The following PARVA variants were observed in gnomAD, a reference collection of about 807,000 sequenced individuals.
PARVA encodes the protein parvin alpha, also known as alpha-parvin.
A neutral mutation model predicts 52.6 loss-of-function variants in PARVA; 25 were observed. That is an observed-to-expected ratio of 0.48 (90% confidence interval 0.35 to 0.66). PARVA has a LOEUF of 0.66. Among genes scored for constraint, PARVA ranks in the 30% least tolerant of loss-of-function variants. The pLI is 0.01. For synonymous variants in PARVA, 185 were observed against 179.1 expected, an observed-to-expected ratio of 1.03 and a Z score of -0.26; for missense variants, 373 against 450.9, an observed-to-expected ratio of 0.83 and a Z score of 1.56.
intron 4 of PARVA, among the ~76,000 whole-genome samples, chr11:12,482,658 C>T (rs954156351): frequency 1.1e-4 from 17 of 151,378 alleles, no homozygotes; most frequent in Non-Finnish European, 1.0e-4. Flanking sequence ...GTTTAATTGA[C>T]TCACGGTTCC....
At chr11:12,378,645 G>C (rs1405712308) in intron 1 of PARVA, among the ~76,000 whole-genome samples, 6 of 141,330 alleles carry the variant, frequency 4.2e-5, no homozygotes, top group African/African-American at 1.4e-4. Context: ...CAGATTTTGC[G>C]TCCTGGTTTT....
chr11:12,523,224 G>A lies in PARVA; in HGVS notation c.1043-4625G>A, dbSNP rs188447413. ...ATCTGTACAGCATGGATCCTGCCCC[G>A]GTGGGGAATAGAGAGCAGGTAGAGA... On this transcript the variant is annotated intron_variant, in intron 12 of 12. Transcript: ENST00000334956. 6.4e-4 allele frequency among the ~76,000 whole-genome samples: 98 copies of A among 152,276 alleles called. 2 individuals are homozygous for A. The East Asian group carries it at 0.016, about 24-fold the overall frequency.
chr11:12,429,854 A>G (rs1940291564), intron 1 of PARVA, among the ~76,000 whole-genome samples: 1 of 152,196 alleles, frequency 6.6e-6, no homozygotes, highest in South Asian at 2.1e-4. Context: ...GATAAACTGA[A>G]ACCTCTTTCA....
intron 1 of PARVA, among the ~76,000 whole-genome samples, chr11:12,427,629 CTT>C (rs994945441): frequency 5.3e-5 from 8 of 152,206 alleles, no homozygotes; most frequent in African/African-American, 1.7e-4. Context: ...AGTTTTGACA[CTT>C]TTAAAGGCAT....
chr11:12,495,851 G>A (rs1257471389), intron 4 of PARVA, among the ~76,000 whole-genome samples: 4 of 152,178 alleles, frequency 2.6e-5, no homozygotes, highest in Non-Finnish European at 5.9e-5. Context: ...GTTCATGCCC[G>A]TGGAGACAAT....
At chr11:12,394,980 A>G (rs1459009175) in intron 1 of PARVA, among the ~76,000 whole-genome samples, 1 of 151,926 alleles carries the variant, frequency 6.6e-6, no homozygotes. Flanking sequence ...AATCCCAGCT[A>G]CTTGGGAGGT....
intron 3 of PARVA, among the ~76,000 whole-genome samples, chr11:12,475,082 G>A (rs180878099): frequency 9.2e-5 from 14 of 152,294 alleles, no homozygotes. Flanking sequence ...ACTCCTAAGA[G>A]GTGGTGTTTA....
chr11:12,432,262 A>G (rs1418382880), intron 1 of PARVA, among the ~76,000 whole-genome samples: 2 of 152,208 alleles, frequency 1.3e-5, no homozygotes, highest in Non-Finnish European at 2.9e-5. Flanking sequence ...TAAAAGGCCT[A>G]TTAAATTAGC....
In PARVA at chr11:12,410,164, C is replaced by T. The variant is rs529850600; in HGVS notation, c.136+32381C>T. On this transcript the variant is annotated intron_variant, in intron 1 of 12. Coordinates refer to ENST00000334956, the MANE Select transcript of PARVA (RefSeq NM_018222.5). ...AGCTCATGGTAAGGGATTAGGCTCTCAGCCCTAGGCATCTCCGGGCTGGGC... is the reference window on the plus strand; with the variant it reads ...AGCTCATGGTAAGGGATTAGGCTCTTAGCCCTAGGCATCTCCGGGCTGGGC... Among the ~76,000 whole-genome samples, 10 of 152,368 alleles carry T rather than the reference C, an allele frequency of 6.6e-5. No individual in the cohort carries two copies. In the East Asian group the frequency reaches 1.2e-3, roughly 18 times the overall value.
rs754077970 is a variant in PARVA at position 12,527,896 on chromosome 11, C to G, written c.1090C>G (p.Leu364Val). ...LKSTLRVLYNLFTKYRNVE is the reference protein window; with the variant it reads ...LKSTLRVLYNVFTKYRNVE ...ATCTACACTACGAGTGTTGTACAAC[C>G]TCTTCACCAAGTACCGTAACGTGGA... Residue 364 changes from leucine (L) to valine (V), a missense_variant, in exon 13 of 13, where the codon CTC (leucine) becomes GTC (valine). Physicochemically the swap from Leu to Val is conservative, Grantham distance 32. Transcript: ENST00000334956. 6.2e-7 allele frequency: 1 copy of G among 1,613,156 alleles called. No individual in the cohort carries two copies.
rs183863375 is a variant in PARVA, at chr11:12,525,837, C to T, written c.1043-2012C>T. Among the ~76,000 whole-genome samples the T allele has an allele frequency of 5.3e-4, 80 of 152,198 alleles. No homozygotes were observed. In the East Asian group the frequency reaches 0.013, roughly 25 times the overall value. On this transcript the variant is annotated intron_variant, in intron 12 of 12. Transcript: ENST00000334956. Reference sequence around the variant, plus strand: ...AAGCCCCTGGTCTATCAGTAGGAGACCTTGGGCCCAGCCAGGGTGGAGCAG... The same window carrying T: ...AAGCCCCTGGTCTATCAGTAGGAGATCTTGGGCCCAGCCAGGGTGGAGCAG...
intron 1 of PARVA, among the ~76,000 whole-genome samples, chr11:12,444,056 TG>T (rs1279705048): frequency 6.6e-6 from 1 of 152,218 alleles, no homozygotes; most frequent in African/African-American, 2.4e-5. Context: ...CACCATGTGG[TG>T]GCTTCAGGGA....
At chr11:12,433,282 T>G (rs956348655) in intron 1 of PARVA, among the ~76,000 whole-genome samples, 2 of 152,190 alleles carry the variant, frequency 1.3e-5, no homozygotes, top group Non-Finnish European at 2.9e-5. Context: ...CTTATTTGAG[T>G]TTGCAACTTT....
intron 1 of PARVA, among the ~76,000 whole-genome samples, chr11:12,442,120 C>T (rs1287618628): frequency 6.6e-6 from 1 of 152,240 alleles, no homozygotes; most frequent in African/African-American, 2.4e-5. Context: ...AGGAAGCCAT[C>T]AGCTCTACTT....
chr11:12,428,466 A>T (rs981368826), intron 1 of PARVA, among the ~76,000 whole-genome samples: 4 of 152,244 alleles, frequency 2.6e-5, no homozygotes, highest in Admixed American at 2.0e-4. Context: ...GAGGACTGAG[A>T]TGACCAAGAC....
At chr11:12,484,249 T>C (rs1564859180) in intron 4 of PARVA, among the ~76,000 whole-genome samples, 1 of 152,230 alleles carries the variant, frequency 6.6e-6, no homozygotes, top group African/African-American at 2.4e-5. Flanking sequence ...CTGCTTCTTA[T>C]TGAGGTTTCC....
rs184103395 is a variant in PARVA at position 12,382,560 on chromosome 11, T to C, written c.136+4777T>C. ...AACTCTATTTAGGTTAATAATTTCA[T>C]GTAAAAAATGTCCTCCTAAGGAAAA... On this transcript the variant is annotated intron_variant, in intron 1 of 12. Transcript: ENST00000334956. 2.9e-3 allele frequency among the ~76,000 whole-genome samples: 437 copies of C among 152,258 alleles called. 2 individuals are homozygous for C. The highest frequency in any genetic ancestry group is 4.2e-3 in the Non-Finnish European group (289 of 68,020).
intron 1 of PARVA, among the ~76,000 whole-genome samples, chr11:12,388,490 C>G (rs796137492): frequency 7.9e-5 from 12 of 152,276 alleles, no homozygotes; most frequent in African/African-American, 2.9e-4. Flanking sequence ...TGACTGCACA[C>G]TCTCTTGGGG....
intron 7 of PARVA, among the ~76,000 whole-genome samples, chr11:12,509,639 C>T (rs945776056): frequency 2.6e-5 from 4 of 152,276 alleles, no homozygotes; most frequent in Non-Finnish European, 4.4e-5. Context: ...GACTAAGGGG[C>T]GTGGGCATTC....
Sources: gnomAD v4.1 joint callset for allele counts (sites outside exome capture counted in the v4.1 genomes callset) on GRCh38, gnomAD v4.1.1 for gene constraint, MANE v1.5 for transcripts, NCBI Gene and HGNC (gene_info 2026-07-23, HGNC 2026-07-21) for gene names.